GABRG3: variants seen among roughly 807,000 people sequenced by gnomAD.
The protein encoded by GABRG3 is gamma-aminobutyric acid receptor subunit gamma-3.
A neutral mutation model predicts 48.8 loss-of-function variants in GABRG3; 25 were observed. That is an observed-to-expected ratio of 0.51 (90% CI 0.37 to 0.72). The LOEUF (loss-of-function observed/expected upper bound fraction) is 0.72, where lower values mean the gene tolerates loss of function less well. GABRG3 is among the 30% of genes least tolerant of loss of function. The pLI, the probability that GABRG3 is intolerant of heterozygous loss-of-function variation, is 0.00. For missense variants in GABRG3, 394 were observed against 577.9 expected (o/e 0.68, Z 3.26); for synonymous variants, 227 against 217.6 (o/e 1.04, Z -0.38).
intron 3 of GABRG3, among the ~76,000 whole-genome samples, chr15:27,071,949 G>A (rs1177606952): frequency 6.6e-6 from 1 of 152,224 alleles, no homozygotes; most frequent in South Asian, 2.1e-4. Flanking sequence ...CAGGCTGGAA[G>A]ATAGATCAGG....
chr15:27,090,266 A>T (rs1274467542), intron 3 of GABRG3, among the ~76,000 whole-genome samples: 1 of 152,258 alleles, frequency 6.6e-6, no homozygotes, highest in Non-Finnish European at 1.5e-5. Flanking sequence ...AGCTCTGAGC[A>T]TGTTTAAGGT....
chr15:27,004,208 G>A (rs1436332073), intron 2 of GABRG3, among the ~76,000 whole-genome samples: 26 of 149,138 alleles, frequency 1.7e-4, no homozygotes, highest in African/African-American at 4.4e-4. Context: ...GCTGCCGGGC[G>A]GAGGGGCTCC....
chr15:27,167,364 A>T (rs1430049487), intron 3 of GABRG3, among the ~76,000 whole-genome samples: 6 of 152,178 alleles, frequency 3.9e-5, no homozygotes, highest in Non-Finnish European at 8.8e-5. Flanking sequence ...TGAGAAAGGC[A>T]GGGTGGACAT....
chr15:27,377,555 C>T (rs111309924), intron 5 of GABRG3, among the ~76,000 whole-genome samples: 4,678 of 152,198 alleles, frequency 0.031, 205 homozygotes, highest in East Asian at 0.1. Flanking sequence ...AGTGCTTGTG[C>T]GGGGAGACTC....
At chr15:27,407,584 T>C (rs1887676483) in intron 5 of GABRG3, among the ~76,000 whole-genome samples, 1 of 152,192 alleles carries the variant, frequency 6.6e-6, no homozygotes, top group South Asian at 2.1e-4. Context: ...GGTAAATGAA[T>C]AAGTCAACTT....
At chr15:27,349,041 G>A (rs1401196881) in intron 5 of GABRG3, among the ~76,000 whole-genome samples, 6 of 152,162 alleles carry the variant, frequency 3.9e-5, no homozygotes, top group African/African-American at 1.4e-4. Flanking sequence ...TAATGGCAGT[G>A]GGAGGGGAGC....
intron 5 of GABRG3, among the ~76,000 whole-genome samples, chr15:27,391,489 C>T (rs908869458): frequency 6.6e-6 from 1 of 151,928 alleles, no homozygotes; most frequent in African/African-American, 2.4e-5. Context: ...TATTTAATGC[C>T]GATGTTAGAA....
chr15:27,415,395 G>T (rs1887911396), intron 5 of GABRG3, among the ~76,000 whole-genome samples: 1 of 152,016 alleles, frequency 6.6e-6, no homozygotes, highest in Non-Finnish European at 1.5e-5. Flanking sequence ...TTCTTTCTTA[G>T]AATTTCCATC....
intron 3 of GABRG3, among the ~76,000 whole-genome samples, chr15:27,232,634 G>C (rs1889835000): frequency 6.6e-6 from 1 of 152,142 alleles, no homozygotes; most frequent in African/African-American, 2.4e-5. Context: ...CTACAATTCT[G>C]CTTTTAATCA....
chr15:26,984,794 T>C (rs1895121717), intron 2 of GABRG3, among the ~76,000 whole-genome samples: 1 of 152,212 alleles, frequency 6.6e-6, no homozygotes, highest in Admixed American at 6.5e-5. Context: ...AGAATACAGA[T>C]TCCCTCCCCA....
intron 2 of GABRG3, among the ~76,000 whole-genome samples, chr15:27,025,635 A>AC (rs1286081610): frequency 6.6e-6 from 1 of 152,222 alleles, no homozygotes; most frequent in Non-Finnish European, 1.5e-5. Flanking sequence ...TGCCCAGGGC[A>AC]CAGACCAGTT....
At chr15:27,429,408 T>G (rs907205730) in intron 5 of GABRG3, among the ~76,000 whole-genome samples, 2 of 152,222 alleles carry the variant, frequency 1.3e-5, no homozygotes, top group African/African-American at 4.8e-5. Context: ...TGACTCATTT[T>G]CAAGTCACAA....
chr15:27,415,651 C>T (rs1595739421), intron 5 of GABRG3, among the ~76,000 whole-genome samples: 2 of 152,242 alleles, frequency 1.3e-5, no homozygotes, highest in East Asian at 3.9e-4. Context: ...CCAAAACCTA[C>T]TGACATTTAA....
chr15:27,291,844 T>A (rs535527483), intron 3 of GABRG3, among the ~76,000 whole-genome samples: 1 of 152,208 alleles, frequency 6.6e-6, no homozygotes, highest in Non-Finnish European at 1.5e-5. Context: ...TTCTTCTATG[T>A]TCAATAAATT....
chr15:27,000,874 G>T (rs911233000), intron 2 of GABRG3, among the ~76,000 whole-genome samples: 1 of 152,160 alleles, frequency 6.6e-6, no homozygotes, highest in African/African-American at 2.4e-5. Flanking sequence ...TGCAAGAATG[G>T]ACTAATATAA....
chr15:27,487,800 T>A (rs1369924935), intron 6 of GABRG3, among the ~76,000 whole-genome samples: 3 of 152,152 alleles, frequency 2.0e-5, no homozygotes, highest in Non-Finnish European at 4.4e-5. Flanking sequence ...ACATTATTGT[T>A]GAGATTTAGG....
At chr15:27,265,257 C>A (rs532340064) in intron 3 of GABRG3, among the ~76,000 whole-genome samples, 1 of 152,232 alleles carries the variant, frequency 6.6e-6, no homozygotes, top group East Asian at 1.9e-4. Flanking sequence ...AGCCTGCCCC[C>A]AGTCACTTCT....
chr15:27,510,472 C>T (rs953471849), intron 6 of GABRG3, among the ~76,000 whole-genome samples: 1 of 152,170 alleles, frequency 6.6e-6, no homozygotes, highest in African/African-American at 2.4e-5. Context: ...GAGACATTTG[C>T]TTCACAGGGG....
intron 3 of GABRG3, among the ~76,000 whole-genome samples, chr15:27,075,816 C>A (rs67723001): frequency 2.0e-5 from 3 of 152,050 alleles, no homozygotes; most frequent in African/African-American, 4.8e-5. Flanking sequence ...AGGACAAGTC[C>A]TCTGTCAGAT....
Sources: gnomAD v4.1 joint callset for allele counts (sites outside exome capture counted in the v4.1 genomes callset) on GRCh38, gnomAD v4.1.1 for gene constraint, MANE v1.5 for transcripts, NCBI Gene and HGNC (gene_info 2026-07-23, HGNC 2026-07-21) for gene names.